DCLK2: variants seen among roughly 807,000 people sequenced by gnomAD.
DCLK2 encodes the protein serine/threonine-protein kinase DCLK2.
DCLK2 carries 31 observed loss-of-function variants against 78.4 expected under a neutral mutation model. The ratio of observed to expected loss-of-function variants is 0.40; its 90% confidence interval spans 0.30 to 0.53. DCLK2 has a LOEUF of 0.53. Among genes scored for constraint, DCLK2 ranks in the 20% least tolerant of loss-of-function variants. The probability of loss-of-function intolerance (pLI) is 0.61; values close to 1 mark genes in which losing one functional copy is unlikely to be tolerated. For synonymous variants in DCLK2, 407 were observed against 374.9 expected (o/e 1.09, Z -0.99); for missense variants, 872 against 973.7 (o/e 0.90, Z 1.39).
chr4:150,147,669 G>A (rs1467378621), intron 2 of DCLK2, among the ~76,000 whole-genome samples: 1 of 152,026 alleles, frequency 6.6e-6, no homozygotes, highest in African/African-American at 2.4e-5. Flanking sequence ...GTAAAAACTG[G>A]GCTATAAAAG....
intron 2 of DCLK2, among the ~76,000 whole-genome samples, chr4:150,104,702 A>G (rs72965511): frequency 0.047 from 7,164 of 152,150 alleles, 518 homozygotes; most frequent in African/African-American, 0.16. Context: ...GATGTTGCAA[A>G]GGCCTTTGAT....
chr4:150,216,675 C>G (rs1166555339), intron 5 of DCLK2, among the ~76,000 whole-genome samples: 5 of 152,106 alleles, frequency 3.3e-5, no homozygotes, highest in Non-Finnish European at 5.9e-5. Flanking sequence ...GATTCTTGCA[C>G]ATTTCCCTTC....
intron 3 of DCLK2, among the ~76,000 whole-genome samples, chr4:150,195,736 T>A (rs74326121): frequency 0.021 from 3,168 of 151,374 alleles, 122 homozygotes; most frequent in African/African-American, 0.073. Flanking sequence ...TCGTTGGTAG[T>A]TTTTGTTGAT....
At chr4:150,128,203 A>G (rs999637008) in intron 2 of DCLK2, among the ~76,000 whole-genome samples, 11 of 152,194 alleles carry the variant, frequency 7.2e-5, no homozygotes, top group African/African-American at 2.7e-4. Context: ...AAGGCCTCCA[A>G]AACAAAGAAT....
chr4:150,104,093 C>CAAAGAA (rs1731068163), intron 2 of DCLK2, among the ~76,000 whole-genome samples: 1 of 151,336 alleles, frequency 6.6e-6, no homozygotes, highest in Non-Finnish European at 1.5e-5. Context: ...GATACCTAAC[C>CAAAGAA]AAAGAAAAAA....
chr4:150,175,082 TTA>T lies in DCLK2; in HGVS notation c.757-18046_757-18045del, dbSNP rs66831942. Among the ~76,000 whole-genome samples the T allele has an allele frequency of 9.1e-3, 170 of 18,654 alleles. 42 individuals are homozygous for T. The highest frequency in any genetic ancestry group is 0.031 in the African/African-American group (127 of 4,144). 12.2% of individuals were successfully genotyped at this position (18,654 alleles called of 152,430 possible). ...TATATATTTATATATATTTATATAT[TTA>T]TATATATATTTATATATATTTATAT... On this transcript the variant is annotated intron_variant, in intron 2 of 15. Transcript: ENST00000296550.
At chr4:150,085,258 T>A (rs2150131557) in intron 1 of DCLK2, among the ~76,000 whole-genome samples, 1 of 152,308 alleles carries the variant, frequency 6.6e-6, no homozygotes, top group East Asian at 1.9e-4. Flanking sequence ...TTGGGAGGTG[T>A]CTTGGTTCAT....
At chr4:150,146,869 G>A (rs1279908584) in intron 2 of DCLK2, among the ~76,000 whole-genome samples, 1 of 152,024 alleles carries the variant, frequency 6.6e-6, no homozygotes, top group African/African-American at 2.4e-5. Context: ...AGATCTGGCT[G>A]TACCACCAAG....
At chr4:150,146,986 T>C (rs978231550) in intron 2 of DCLK2, among the ~76,000 whole-genome samples, 2 of 151,804 alleles carry the variant, frequency 1.3e-5, no homozygotes, top group Admixed American at 1.3e-4. Flanking sequence ...TGAGGGTCAA[T>C]TGAAATACTG....
chr4:150,179,359 C>T (rs1737335136), intron 2 of DCLK2, among the ~76,000 whole-genome samples: 1 of 152,090 alleles, frequency 6.6e-6, no homozygotes, highest in Non-Finnish European at 1.5e-5. Context: ...GATGATTTTC[C>T]TAGAAACATA....
At chr4:150,113,455 T>C (rs1731848235) in intron 2 of DCLK2, among the ~76,000 whole-genome samples, 1 of 146,188 alleles carries the variant, frequency 6.8e-6, no homozygotes, top group Non-Finnish European at 1.5e-5. Context: ...CAGGGTTTTC[T>C]GTTTCTTTCT....
chr4:150,109,812 G>A (rs6858003), intron 2 of DCLK2, among the ~76,000 whole-genome samples: 135,748 of 152,196 alleles, frequency 0.89, 61,236 homozygotes, highest in African/African-American at 0.94. Context: ...AGCAGGAAAT[G>A]CAAGTATAGA....
At chr4:150,169,246 G>A (rs571883973) in intron 2 of DCLK2, among the ~76,000 whole-genome samples, 1 of 152,288 alleles carries the variant, frequency 6.6e-6, no homozygotes, top group South Asian at 2.1e-4. Flanking sequence ...TGAACTGACT[G>A]ATGCTTTAGG....
chr4:150,211,123 C>A (rs1238405869), intron 5 of DCLK2, among the ~76,000 whole-genome samples: 2 of 152,146 alleles, frequency 1.3e-5, no homozygotes, highest in Admixed American at 1.3e-4. Context: ...AAGACGCGTC[C>A]CAGGGCTGTA....
At chr4:150,116,007 C>T (rs1400711715) in intron 2 of DCLK2, among the ~76,000 whole-genome samples, 1 of 152,182 alleles carries the variant, frequency 6.6e-6, no homozygotes, top group Non-Finnish European at 1.5e-5. Context: ...TTCCCTGCCA[C>T]ACCAGCAGGA....
intron 2 of DCLK2, among the ~76,000 whole-genome samples, chr4:150,187,399 G>T (rs1013660886): frequency 6.6e-6 from 1 of 152,142 alleles, no homozygotes; most frequent in Non-Finnish European, 1.5e-5. Context: ...CAGGGCTTTT[G>T]TACATTTCTT....
chr4:150,133,464 G>A (rs1057177153), intron 2 of DCLK2, among the ~76,000 whole-genome samples: 1 of 152,212 alleles, frequency 6.6e-6, no homozygotes, highest in Non-Finnish European at 1.5e-5. Flanking sequence ...TCAACTAATA[G>A]GTAGCAGTGA....
chr4:150,195,541 A>C (rs1421130511), intron 3 of DCLK2, among the ~76,000 whole-genome samples: 4 of 126,042 alleles, frequency 3.2e-5, no homozygotes, highest in African/African-American at 1.2e-4. Flanking sequence ...ATTTAGCTTT[A>C]GTTTCATAAT....
chr4:150,162,067 G>T (rs1260769340), intron 2 of DCLK2, among the ~76,000 whole-genome samples: 1 of 152,158 alleles, frequency 6.6e-6, no homozygotes. Flanking sequence ...GTCTTGCCCT[G>T]TTGCCCAGGC....
Sources: allele counts gnomAD v4.1 joint callset (sites outside exome capture counted in the v4.1 genomes callset), GRCh38; gene constraint gnomAD v4.1.1; transcripts MANE v1.5; gene names NCBI Gene and HGNC (gene_info 2026-07-23, HGNC 2026-07-21).